The following CTNNA2 variants were observed in gnomAD, a reference collection of about 807,000 sequenced individuals.
CTNNA2 encodes catenin alpha 2.
In CTNNA2, 42 loss-of-function variants were observed where a neutral mutation model predicts 101.0. The observed-to-expected ratio is 0.42, with a 90% CI of 0.32 to 0.54. CTNNA2 has a LOEUF of 0.54. CTNNA2 is among the 20% of genes least tolerant of loss of function. The pLI is 0.14. For synonymous variants in CTNNA2, 450 were observed against 456.4 expected (o/e 0.99, Z 0.18); for missense variants, 871 against 1,223.1 (o/e 0.71, Z 4.29).
chr2:80,617,351 G>A (rs1350849187), intron 17 of CTNNA2, among the ~76,000 whole-genome samples: 4 of 151,498 alleles, frequency 2.6e-5, no homozygotes, highest in Non-Finnish European at 5.9e-5. Context: ...ATGTAAAAGT[G>A]GAGAGAAAAT....
At chr2:79,786,261 A>G (rs1472919694) in intron 3 of CTNNA2, among the ~76,000 whole-genome samples, 1 of 150,808 alleles carries the variant, frequency 6.6e-6, no homozygotes, top group Non-Finnish European at 1.5e-5. Context: ...ATTCATTAAA[A>G]TTAATAAAGG....
chr2:79,777,891 GGT>G (rs1491504534), intron 3 of CTNNA2, among the ~76,000 whole-genome samples: 1 of 135,702 alleles, frequency 7.4e-6, no homozygotes, highest in African/African-American at 3.0e-5. Flanking sequence ...ATTTGCATGG[GGT>G]TTTTTTTTTT....
chr2:79,378,659 A>C (rs1435262464), intron 4 of CTNNA2, among the ~76,000 whole-genome samples: 2 of 152,178 alleles, frequency 1.3e-5, no homozygotes, highest in African/African-American at 2.4e-5. Context: ...TTGAATGTCC[A>C]AAAGCTGAAC....
chr2:79,917,982 T>C (rs941768791), intron 7 of CTNNA2, among the ~76,000 whole-genome samples: 1 of 152,148 alleles, frequency 6.6e-6, no homozygotes, highest in Non-Finnish European at 1.5e-5. Flanking sequence ...ACATGGCAGG[T>C]CTTCTTGGGC....
At position 80,128,306 on chromosome 2, in the gene CTNNA2, A is replaced by G. The variant is rs1007268673; in HGVS notation, c.1056+218509A>G. 3.3e-4 allele frequency among the ~76,000 whole-genome samples: 51 copies of G among 152,272 alleles called. 1 individual carries two copies. The highest frequency in any genetic ancestry group is 1.2e-3 in the African/African-American group (48 of 41,568). On this transcript the variant is annotated intron_variant, in intron 7 of 18. Transcript: ENST00000402739. ...AAATGTGATTTTGCTCATTTGAGTG[A>G]TCAGTGTTAGAGAATCCTCAGCTTG...
chr2:79,626,887 C>T (rs574791245), intron 1 of CTNNA2, among the ~76,000 whole-genome samples: 1 of 151,802 alleles, frequency 6.6e-6, no homozygotes, highest in South Asian at 2.1e-4. Context: ...ATAAAATAAA[C>T]AATTTTCCCG....
intron 3 of CTNNA2, among the ~76,000 whole-genome samples, chr2:79,791,039 A>C (rs1675229910): frequency 6.6e-6 from 1 of 152,216 alleles, no homozygotes; most frequent in African/African-American, 2.4e-5. Flanking sequence ...GTATAAACCT[A>C]CTTGTATTCA....
chr2:79,186,395 T>A (rs1361007880), intron 1 of CTNNA2, among the ~76,000 whole-genome samples: 2 of 152,214 alleles, frequency 1.3e-5, no homozygotes, highest in East Asian at 3.9e-4. Context: ...TCATAAGAGA[T>A]GAGCACTCTA....
chr2:79,812,882 A>G (rs1258933433), intron 3 of CTNNA2, among the ~76,000 whole-genome samples: 1 of 152,086 alleles, frequency 6.6e-6, no homozygotes, highest in Non-Finnish European at 1.5e-5. Context: ...GGAACGTCCT[A>G]TGTCTAATGC....
intron 7 of CTNNA2, among the ~76,000 whole-genome samples, chr2:80,385,311 C>T (rs79067553): frequency 4.0e-5 from 6 of 149,588 alleles, no homozygotes; most frequent in Non-Finnish European, 7.4e-5. Context: ...GGAGATCTCC[C>T]GAATGGGATA....
intron 8 of CTNNA2, among the ~76,000 whole-genome samples, chr2:80,415,732 T>C (rs1253795833): frequency 6.6e-6 from 1 of 152,120 alleles, no homozygotes. Flanking sequence ...TGCACCCCTA[T>C]GTTTATTGCA....
chr2:80,395,025 C>G (rs1677876887), intron 8 of CTNNA2, among the ~76,000 whole-genome samples: 1 of 152,090 alleles, frequency 6.6e-6, no homozygotes, highest in Non-Finnish European at 1.5e-5. Context: ...AATCATGGAC[C>G]AATCATGGCA....
intron 9 of CTNNA2, among the ~76,000 whole-genome samples, chr2:80,472,382 C>T (rs913224130): frequency 3.3e-5 from 5 of 152,128 alleles, no homozygotes; most frequent in African/African-American, 7.2e-5. Context: ...GGAGGGAGGT[C>T]GTGGAGAAGG....
At chr2:79,377,934 G>A (rs892320247) in intron 4 of CTNNA2, among the ~76,000 whole-genome samples, 19 of 152,042 alleles carry the variant, frequency 1.2e-4, no homozygotes, top group African/African-American at 2.2e-4. Context: ...TTTAAACTGC[G>A]GCAGGCTAAC....
intron 15 of CTNNA2, among the ~76,000 whole-genome samples, chr2:80,594,821 T>TTA (rs142206436): frequency 0.044 from 6,642 of 151,302 alleles, 403 homozygotes; most frequent in African/African-American, 0.14. Context: ...TCATTTGACC[T>TTA]TATATATATA....
intron 7 of CTNNA2, among the ~76,000 whole-genome samples, chr2:80,309,963 G>C (rs1191785288): frequency 1.3e-5 from 2 of 151,954 alleles, no homozygotes; most frequent in Non-Finnish European, 2.9e-5. Context: ...GTGTAGGCCT[G>C]AGACCACAAA....
At chr2:80,074,229 A>C (rs1698537115) in intron 7 of CTNNA2, among the ~76,000 whole-genome samples, 1 of 152,128 alleles carries the variant, frequency 6.6e-6, no homozygotes, top group South Asian at 2.1e-4. Flanking sequence ...GTGCTCATCA[A>C]ATAAGCCCAT....
chr2:80,047,930 A>G (rs1003546780), intron 7 of CTNNA2, among the ~76,000 whole-genome samples: 2 of 152,196 alleles, frequency 1.3e-5, no homozygotes, highest in Admixed American at 1.3e-4. Context: ...TGTGCCTTTC[A>G]TCTTATCCTA....
At chr2:79,982,397 T>C (rs1430019731) in intron 7 of CTNNA2, among the ~76,000 whole-genome samples, 1 of 142,214 alleles carries the variant, frequency 7.0e-6, no homozygotes, top group South Asian at 2.1e-4. Context: ...ATATATAACA[T>C]ATATAACATA....
Sources: gnomAD v4.1 joint callset for allele counts (sites outside exome capture counted in the v4.1 genomes callset) on GRCh38, gnomAD v4.1.1 for gene constraint, MANE v1.5 for transcripts, NCBI Gene and HGNC (gene_info 2026-07-23, HGNC 2026-07-21) for gene names.